GKAP1: variants seen among roughly 807,000 people sequenced by gnomAD.
The protein encoded by GKAP1 is G kinase anchoring protein 1.
GKAP1 carries 31 observed loss-of-function variants against 56.7 expected under a neutral mutation model. The observed-to-expected ratio is 0.55, with a 90% CI of 0.41 to 0.74. The LOEUF is 0.74. GKAP1 is among the 30% of genes least tolerant of loss of function. The pLI is 0.00. For missense variants in GKAP1, 364 were observed against 402.3 expected, an observed-to-expected ratio of 0.90 and a Z score of 0.82; for synonymous variants, 151 against 138.6, an observed-to-expected ratio of 1.09 and a Z score of -0.63.
At chr9:83,753,051 C>G (rs1194955674) in intron 9 of GKAP1, among the ~76,000 whole-genome samples, 2 of 134,304 alleles carry the variant, frequency 1.5e-5, no homozygotes, top group Non-Finnish European at 3.2e-5. Flanking sequence ...CAGAATGAGA[C>G]TCCATCTCAA....
intron 2 of GKAP1, among the ~76,000 whole-genome samples, chr9:83,808,530 G>C (rs1448790803): frequency 6.6e-6 from 1 of 152,162 alleles, no homozygotes; most frequent in African/African-American, 2.4e-5. Context: ...CCAGGAAGTA[G>C]AGATTGCAGC....
chr9:83,780,337 TA>T, intron 7 of GKAP1, 44 bp downstream of exon 7: 1 of 1,145,984 alleles, frequency 8.7e-7, no homozygotes, highest in Non-Finnish European at 1.3e-6. Context: ...GTATTATTCT[TA>T]AAATCATCAG....
intron 7 of GKAP1, among the ~76,000 whole-genome samples, chr9:83,772,829 T>A (rs1009111366): frequency 6.6e-6 from 1 of 152,190 alleles, no homozygotes. Context: ...TATGAAAAGA[T>A]GTCTGAAATC....
At chr9:83,779,484 C>T (rs1352184937) in intron 7 of GKAP1, among the ~76,000 whole-genome samples, 16 of 85,710 alleles carry the variant, frequency 1.9e-4, no homozygotes, top group African/African-American at 5.0e-4. Context: ...CATATACATA[C>T]ATATATACAC....
In GKAP1 at chr9:83,787,321, C is replaced by T. The variant is rs1290681901; in HGVS notation, c.438+1280G>A. 4.6e-5 allele frequency among the ~76,000 whole-genome samples: 7 copies of T among 152,234 alleles called. No individual in the cohort carries two copies. In the South Asian group the frequency reaches 6.2e-4, roughly 14 times the overall value. The stretch of plus-strand genomic sequence containing the variant: ...GGATGATCATAGCTCACTGCATCCT[C>T]TAACTGCTGGGTTCAAGGGGTTCTC... On this transcript the variant is annotated intron_variant, in intron 5 of 12. Transcript: ENST00000376371.
At chr9:83,776,665 C>T (rs564552393) in intron 7 of GKAP1, among the ~76,000 whole-genome samples, 15 of 152,198 alleles carry the variant, frequency 9.9e-5, no homozygotes, top group South Asian at 8.3e-4. Flanking sequence ...GGCAAGATAG[C>T]GAGACTCCAT....
chr9:83,779,444 T>TACACACACACACACAC (rs1264892337), intron 7 of GKAP1, among the ~76,000 whole-genome samples: 2,620 of 82,734 alleles, frequency 0.032, 106 homozygotes, highest in Non-Finnish European at 0.054. Flanking sequence ...TATATATATA[T>TACACACACACACACAC]ATATACACAC....
intron 8 of GKAP1, among the ~76,000 whole-genome samples, chr9:83,762,559 T>TA (rs1204702173): frequency 1.3e-5 from 2 of 152,054 alleles, no homozygotes; most frequent in African/African-American, 4.8e-5. Context: ...AATCCTAAAA[T>TA]ATATATGAAA....
chr9:83,767,598 G>C (rs1164970340), intron 8 of GKAP1, among the ~76,000 whole-genome samples: 1 of 152,130 alleles, frequency 6.6e-6, no homozygotes, highest in Non-Finnish European at 1.5e-5. Flanking sequence ...CTGACCTCAA[G>C]TGATTCGCCA....
In GKAP1 at chr9:83,800,594, CAA is replaced by C. The variant is rs1486577399; in HGVS notation, c.217-1268_217-1267del. On this transcript the variant is annotated intron_variant, in intron 3 of 12. Coordinates refer to ENST00000376371, the MANE Select transcript of GKAP1 (RefSeq NM_025211.4). ...GGTGATCCCACCCACCTCAGCCTCC[CAA>C]AAGTGTTGGGATTACAGGCGTGAGC... 2.0e-5 allele frequency among the ~76,000 whole-genome samples: 3 copies of C among 152,262 alleles called. No homozygotes were observed. In the East Asian group the frequency reaches 5.8e-4, roughly 29 times the overall value.
At chr9:83,806,166 C>T in intron 3 of GKAP1, 136 bp downstream of exon 3, 2 of 618,924 alleles carry the variant, frequency 3.2e-6, no homozygotes, top group East Asian at 5.5e-5. Flanking sequence ...CACAAATTCA[C>T]ATCCATTCAT....
At chr9:83,767,105 T>G (rs1307549194) in intron 8 of GKAP1, among the ~76,000 whole-genome samples, 1 of 152,160 alleles carries the variant, frequency 6.6e-6, no homozygotes, top group Admixed American at 6.5e-5. Context: ...AATGCAGACA[T>G]AGAGGTCTGA....
chr9:83,814,278 C>A (rs1170696450), intron 2 of GKAP1, among the ~76,000 whole-genome samples: 1 of 152,184 alleles, frequency 6.6e-6, no homozygotes, highest in Non-Finnish European at 1.5e-5. Flanking sequence ...CAAGAAAAAA[C>A]AACTTGAAAT....
intron 3 of GKAP1, among the ~76,000 whole-genome samples, chr9:83,804,383 C>A (rs1175894669): frequency 1.1e-4 from 15 of 131,896 alleles, no homozygotes; most frequent in East Asian, 2.5e-4. Flanking sequence ...GCCGCCCCGT[C>A]CGGGAGGGAG....
chr9:83,801,082 A>G (rs1944324366), intron 3 of GKAP1, among the ~76,000 whole-genome samples: 1 of 152,232 alleles, frequency 6.6e-6, no homozygotes, highest in Non-Finnish European at 1.5e-5. Flanking sequence ...GATGTAATCA[A>G]GTTAAGATAA....
chr9:83,745,341 G>A (rs1489055286), intron 10 of GKAP1, among the ~76,000 whole-genome samples: 1 of 152,110 alleles, frequency 6.6e-6, no homozygotes, highest in African/African-American at 2.4e-5. Context: ...CATCTTGTGT[G>A]ATTTTGCAGA....
chr9:83,781,635 G>A (rs982968528), intron 6 of GKAP1, among the ~76,000 whole-genome samples: 2 of 151,994 alleles, frequency 1.3e-5, no homozygotes, highest in African/African-American at 2.4e-5. Flanking sequence ...CTTCTAGCAC[G>A]CTCTATTTAG....
rs1944640356 is a variant in GKAP1, at chr9:83,817,545, TCCTCTCCCTCCTCCCCCCGCCGCCG to T, written c.-229_-205del. 1 of 150,780 alleles carries T rather than the reference TCCTCTCCCTCCTCCCCCCGCCGCCG, an allele frequency of 6.6e-6. No homozygotes were observed. Among genetic ancestry groups the T allele is most frequent in the African/African-American group, 2.4e-5 (1 of 40,880 alleles). 9.3% of individuals were successfully genotyped at this position (150,780 alleles called of 1,614,324 possible). ...GCCTCCCGTGCCGCCGGCTCGGCCC[TCCTCTCCCTCCTCCCCCCGCCGCCG>T]CCTCTCCCGCGGCTCCCCGGGCGGC... On this transcript the variant is annotated 5_prime_UTR_variant, in exon 1 of 13. Transcript: ENST00000376371.
chr9:83,807,871 C>T (rs932188455), intron 2 of GKAP1, among the ~76,000 whole-genome samples: 1 of 152,186 alleles, frequency 6.6e-6, no homozygotes, highest in Non-Finnish European at 1.5e-5. Flanking sequence ...TGAAAGCTAA[C>T]CACACATTAT....
Sources: gnomAD v4.1 joint callset for allele counts (sites outside exome capture counted in the v4.1 genomes callset) on GRCh38, gnomAD v4.1.1 for gene constraint, MANE v1.5 for transcripts, NCBI Gene and HGNC (gene_info 2026-07-23, HGNC 2026-07-21) for gene names.